Variants in TMEM232 observed in about 807,000 individuals in gnomAD.
The protein encoded by TMEM232 is transmembrane protein 232.
TMEM232 carries 80 observed loss-of-function variants against 78.8 expected under a neutral mutation model. The observed-to-expected ratio is 1.01, with a 90% CI of 0.85 to 1.22. The LOEUF (loss-of-function observed/expected upper bound fraction) is 1.22, where lower values mean the gene tolerates loss of function less well. TMEM232 is among the 50% of genes most tolerant of loss of function. The pLI, the probability that TMEM232 is intolerant of heterozygous loss-of-function variation, is 0.00. For synonymous variants in TMEM232, 297 were observed against 254.3 expected (o/e 1.17, Z -1.60); for missense variants, 881 against 742.2 (o/e 1.19, Z -2.17).
chr5:110,485,518 C>T (rs1422791821), intron 12 of TMEM232, among the ~76,000 whole-genome samples: 2 of 152,146 alleles, frequency 1.3e-5, no homozygotes, highest in African/African-American at 2.4e-5. Context: ...CTTTTGCATC[C>T]TCATAGCTTA....
At chr5:110,550,024 T>C (rs2149609358) in intron 11 of TMEM232, among the ~76,000 whole-genome samples, 1 of 152,248 alleles carries the variant, frequency 6.6e-6, no homozygotes, top group Middle Eastern at 3.4e-3. Context: ...GAAAGAAATA[T>C]TATGGAACAA....
chr5:110,713,651 T>C (rs1401627594), intron 1 of TMEM232, among the ~76,000 whole-genome samples: 1 of 152,106 alleles, frequency 6.6e-6, no homozygotes, highest in African/African-American at 2.4e-5. Context: ...TGATTTGACA[T>C]ACAGATAACA....
upstream of TMEM232, among the ~76,000 whole-genome samples, chr5:110,729,060 T>C (rs1006104871): frequency 3.3e-5 from 5 of 151,898 alleles, no homozygotes; most frequent in Non-Finnish European, 7.4e-5. Context: ...AATTTTTGTA[T>C]TTTTGGTAGA....
upstream of TMEM232, among the ~76,000 whole-genome samples, chr5:110,731,371 C>G (rs535666025): frequency 8.8e-4 from 134 of 152,326 alleles, 1 homozygote; most frequent in African/African-American, 3.2e-3. Flanking sequence ...AGTCAGTACC[C>G]CAGTAGGGAC....
At chr5:110,577,944 T>C (rs1777757107) in intron 10 of TMEM232, among the ~76,000 whole-genome samples, 2 of 151,896 alleles carry the variant, frequency 1.3e-5, no homozygotes, top group Admixed American at 6.6e-5. Flanking sequence ...GATAGTGACC[T>C]GGGTGATAAA....
intron 11 of TMEM232, among the ~76,000 whole-genome samples, chr5:110,530,946 C>A (rs980182189): frequency 2.0e-5 from 3 of 152,140 alleles, no homozygotes; most frequent in African/African-American, 4.8e-5. Flanking sequence ...TGTCAGGCCT[C>A]TGAGCCTAAG....
chr5:110,551,508 C>T (rs929687257), intron 11 of TMEM232, among the ~76,000 whole-genome samples: 1 of 152,176 alleles, frequency 6.6e-6, no homozygotes. Context: ...TAGGCATGAG[C>T]CACCGCGCCA....
At chr5:110,520,050 T>G (rs6865089) in intron 12 of TMEM232, among the ~76,000 whole-genome samples, 9,724 of 147,150 alleles carry the variant, frequency 0.066, 328 homozygotes, top group East Asian at 0.1. Flanking sequence ...TATATATATA[T>G]AGAGAGAGAG....
intron 12 of TMEM232, among the ~76,000 whole-genome samples, chr5:110,525,664 G>T (rs954760810): frequency 1.3e-5 from 2 of 151,554 alleles, no homozygotes; most frequent in Non-Finnish European, 3.0e-5. Flanking sequence ...CAACTAGATT[G>T]TTAGAAGTAG....
Position 110,528,681 on chromosome 5 carries a change from G to A in TMEM232, c.1610C>T (p.Pro537Leu). The A allele has an allele frequency of 6.5e-7, 1 of 1,535,024 alleles. No individual in the cohort carries two copies. Among genetic ancestry groups the A allele is most frequent in the Non-Finnish European group, 8.7e-7 (1 of 1,146,380 alleles). The change falls in exon 12 of 14, where the codon CCT becomes CTT. Residue 537 changes from proline (P) to leucine (L), a missense_variant. Pro to Leu is a moderately conservative substitution (Grantham distance 98). Coordinates refer to ENST00000455884, the MANE Select transcript of TMEM232 (RefSeq NM_001039763.4). ...CTTTTTTATTGATGGTTTCTTCAAAGGAAGAAAATGGGCCTCAATGGGGGG... is the reference window on the plus strand; with the variant it reads ...CTTTTTTATTGATGGTTTCTTCAAAAGAAGAAAATGGGCCTCAATGGGGGG... ...FFPPIEAHFL[P>L]LKKPSIKKDQ... is the part of the protein sequence containing the mutation.
intron 10 of TMEM232, among the ~76,000 whole-genome samples, chr5:110,590,540 G>T (rs186512618): frequency 2.0e-5 from 3 of 152,062 alleles, no homozygotes; most frequent in African/African-American, 4.8e-5. Flanking sequence ...TGAAGCAGTT[G>T]CATCAAAACC....
chr5:110,579,700 T>A (rs960891728), intron 10 of TMEM232, among the ~76,000 whole-genome samples: 1 of 150,290 alleles, frequency 6.7e-6, no homozygotes, highest in Non-Finnish European at 1.5e-5. Context: ...GAGAAAGGAA[T>A]CAAGGCATGC....
At chr5:110,391,326 T>TGTGTGAGAGAGAGAGAGAGAGAGAGAGA (rs549361387) in intron 3 of TMEM232, among the ~76,000 whole-genome samples, 86 of 139,864 alleles carry the variant, frequency 6.1e-4, no homozygotes, top group African/African-American at 2.5e-3. Flanking sequence ...TGTGTGTGTG[T>TGTGTGAGAGAGAGAGAGAGAGAGAGAGA]GAGAGAGAGA....
chr5:110,661,265 G>A (rs1561472105), intron 2 of TMEM232, among the ~76,000 whole-genome samples: 1 of 151,894 alleles, frequency 6.6e-6, no homozygotes, highest in Admixed American at 6.6e-5. Context: ...CCATATCTTG[G>A]CTATTGTGAA....
At chr5:110,474,956 A>G (rs532359828) in intron 12 of TMEM232, among the ~76,000 whole-genome samples, 1 of 152,152 alleles carries the variant, frequency 6.6e-6, no homozygotes, top group South Asian at 2.1e-4. Flanking sequence ...ACAATTTTTC[A>G]GTGCAGTATT....
intron 8 of TMEM232, among the ~76,000 whole-genome samples, chr5:110,609,911 G>A (rs1235544947): frequency 1.3e-5 from 2 of 151,988 alleles, no homozygotes; most frequent in African/African-American, 4.8e-5. Context: ...CTCAGAGAGG[G>A]TCATAATTCT....
intron 12 of TMEM232, among the ~76,000 whole-genome samples, chr5:110,428,119 C>T (rs764478733): frequency 5.3e-5 from 8 of 151,750 alleles, no homozygotes; most frequent in Non-Finnish European, 1.2e-4. Context: ...ATTAACCATT[C>T]CTACCTTTCC....
intron 12 of TMEM232, among the ~76,000 whole-genome samples, chr5:110,458,747 A>T (rs745711404): frequency 2.0e-5 from 3 of 152,206 alleles, no homozygotes; most frequent in Non-Finnish European, 4.4e-5. Flanking sequence ...AGCTTAAAAA[A>T]TATTTTTATA....
intron 2 of TMEM232, among the ~76,000 whole-genome samples, chr5:110,733,839 CTT>C (rs1204108100): frequency 6.6e-6 from 1 of 152,112 alleles, no homozygotes; most frequent in South Asian, 2.1e-4. Flanking sequence ...CTAAAATAAA[CTT>C]TTTTAAAAAG....
Sources: gnomAD v4.1 joint callset for allele counts (sites outside exome capture counted in the v4.1 genomes callset) on GRCh38, gnomAD v4.1.1 for gene constraint, MANE v1.5 for transcripts, NCBI Gene and HGNC (gene_info 2026-07-23, HGNC 2026-07-21) for gene names.